Variants in KMT2C observed in about 807,000 individuals in gnomAD.
The protein encoded by KMT2C is lysine methyltransferase 2C, also known as histone-lysine N-methyltransferase 2C.
In KMT2C, 88 loss-of-function variants were observed where a neutral mutation model predicts 507.9. That is an observed-to-expected ratio of 0.17 (90% CI 0.15 to 0.21). KMT2C has a LOEUF of 0.21. Ranked by LOEUF, KMT2C falls within the 10% of genes least tolerant of loss-of-function variation. The pLI is 1.00. For missense variants in KMT2C, 4,954 were observed against 5,957.8 expected, an observed-to-expected ratio of 0.83 and a Z score of 5.55; for synonymous variants, 2,049 against 2,080.8, an observed-to-expected ratio of 0.98 and a Z score of 0.42.
At chr7:152,355,502 A>G (rs968127984) in intron 2 of KMT2C, among the ~76,000 whole-genome samples, 1 of 152,146 alleles carries the variant, frequency 6.6e-6, no homozygotes, top group Non-Finnish European at 1.5e-5. Context: ...ATACATAAGA[A>G]GATGAGCGAA....
chr7:152,303,625 CACAT>C (rs1439911846), intron 6 of KMT2C, among the ~76,000 whole-genome samples: 1 of 152,204 alleles, frequency 6.6e-6, no homozygotes, highest in African/African-American at 2.4e-5. Context: ...GAAAAAGACT[CACAT>C]ACACAAATGC....
chr7:152,163,084 G>A lies in KMT2C; in HGVS notation c.10493C>T (p.Thr3498Ile), dbSNP rs769597625. Reference protein sequence around the residue: ...IQQGSINSPSTQTFMQTNERR... With the variant: ...IQQGSINSPSIQTFMQTNERR... ...CTCATTAGTCTGCATGAAAGTTTGG[G>A]TGGAGGGTGAATTAATTGATCCTTG... The change falls in exon 43 of 59, where the codon ACC (threonine) becomes ATC (isoleucine). Residue 3498 changes from threonine to isoleucine, a missense_variant. Coordinates refer to ENST00000262189, the MANE Select transcript of KMT2C (RefSeq NM_170606.3). The A allele has an allele frequency of 6.2e-6, 10 of 1,614,130 alleles. No homozygotes were observed. Among genetic ancestry groups the A allele is most frequent in the Admixed American group, 1.7e-5 (1 of 60,012 alleles).
intron 40 of KMT2C, among the ~76,000 whole-genome samples, chr7:152,169,495 G>A (rs1241971816): frequency 6.6e-6 from 1 of 152,006 alleles, no homozygotes; most frequent in Non-Finnish European, 1.5e-5. Flanking sequence ...TTATGCTTGA[G>A]GTAAAGGATT....
chr7:152,153,545 C>CTT (rs1260491374), intron 48 of KMT2C, among the ~76,000 whole-genome samples: 2 of 152,096 alleles, frequency 1.3e-5, no homozygotes, highest in Non-Finnish European at 2.9e-5. Flanking sequence ...GCTTAATTTT[C>CTT]TTCTCTGTTA....
rs61730536 is a variant in KMT2C at position 152,187,362 on chromosome 7, C to T, written c.4908G>A (p.Thr1636=). 5.6e-3 allele frequency: 8,979 copies of T among 1,614,022 alleles called. 415 individuals carry two copies. In the African/African-American group the frequency reaches 0.1, roughly 19 times the overall value. ...NDTMSNAQRS[T]LKWEKEEALG... ...GAGCCTCCTCTTTCTCCCACTTAAG[C>T]GTGCTTCTCTGGGCATTCGACATTG... Residue 1636 remains threonine, a synonymous_variant, in exon 33 of 59, where the codon ACG becomes ACA. Transcript: ENST00000262189.
chr7:152,201,947 T>TGC (rs1208017938), intron 26 of KMT2C, among the ~76,000 whole-genome samples: 1 of 152,106 alleles, frequency 6.6e-6, no homozygotes, highest in African/African-American at 2.4e-5. Flanking sequence ...TAGGCTGAGC[T>TGC]CTAACATGAA....
chr7:152,240,384 A>C (rs1432843806), intron 14 of KMT2C, among the ~76,000 whole-genome samples: 7 of 152,218 alleles, frequency 4.6e-5, no homozygotes, highest in African/African-American at 1.4e-4. Context: ...CTTCCTCGCT[A>C]ATCTTTCTTC....
At chr7:152,259,446 G>GCGCGCGCACACACACACACA (rs1188729137) in intron 9 of KMT2C, among the ~76,000 whole-genome samples, 1 of 134,688 alleles carries the variant, frequency 7.4e-6, no homozygotes, top group African/African-American at 2.8e-5. Flanking sequence ...ACACACACGC[G>GCGCGCGCACACACACACACA]CACACACACA....
At chr7:152,291,712 C>T (rs2096430097) in intron 6 of KMT2C, among the ~76,000 whole-genome samples, 1 of 152,222 alleles carries the variant, frequency 6.6e-6, no homozygotes, top group South Asian at 2.1e-4. Context: ...ACTGGTAACA[C>T]CTATTCATCC....
intron 55 of KMT2C, among the ~76,000 whole-genome samples, chr7:152,141,573 C>T (rs1281579077): frequency 3.3e-5 from 5 of 150,210 alleles, no homozygotes; most frequent in African/African-American, 1.2e-4. Context: ...ATTAGCCGGG[C>T]ATGGTAGTAC....
intron 1 of KMT2C, 90 bp downstream of exon 1, chr7:152,435,536 G>A: frequency 1.4e-6 from 1 of 726,150 alleles, no homozygotes; most frequent in Non-Finnish European, 1.7e-6. Flanking sequence ...GGGGCGCCGG[G>A]GCGCGGAGGC....
intron 25 of KMT2C, among the ~76,000 whole-genome samples, chr7:152,204,389 G>A (rs2094235016): frequency 6.6e-6 from 1 of 152,138 alleles, no homozygotes; most frequent in African/African-American, 2.4e-5. Context: ...GAGCACAGGA[G>A]TTGCAGGCCA....
intron 37 of KMT2C, 94 bp from the exon 38 acceptor site, chr7:152,178,104 CTG>C: frequency 8.1e-7 from 1 of 1,234,048 alleles, no homozygotes; most frequent in Non-Finnish European, 1.0e-6. Flanking sequence ...TTCAATTAAA[CTG>C]TACATACAAA....
At chr7:152,317,081 A>G (rs2096728968) in intron 3 of KMT2C, among the ~76,000 whole-genome samples, 1 of 152,234 alleles carries the variant, frequency 6.6e-6, no homozygotes, top group Non-Finnish European at 1.5e-5. Flanking sequence ...TAGAAAATGG[A>G]GCAATATTTT....
At chr7:152,367,470 G>A (rs1020714013) in intron 1 of KMT2C, 6 of 794,938 alleles carry the variant, frequency 7.5e-6, no homozygotes, top group African/African-American at 1.7e-5. Context: ...TACCCACCTC[G>A]GCCTCCCAAA....
intron 41 of KMT2C, 126 bp from the exon 42 acceptor site, chr7:152,167,504 T>C: frequency 3.2e-6 from 2 of 617,156 alleles, no homozygotes; most frequent in Non-Finnish European, 2.8e-6. Context: ...GAAAACACAA[T>C]ACTAAATATT....
intron 1 of KMT2C, among the ~76,000 whole-genome samples, chr7:152,388,157 A>G (rs970730863): frequency 2.0e-5 from 3 of 152,132 alleles, no homozygotes; most frequent in Admixed American, 2.0e-4. Context: ...TATAATGAAT[A>G]TATAAATATA....
intron 1 of KMT2C, among the ~76,000 whole-genome samples, chr7:152,369,820 T>C (rs1404996010): frequency 6.6e-6 from 1 of 152,180 alleles, no homozygotes; most frequent in Non-Finnish European, 1.5e-5. Flanking sequence ...ATCTTTTTCC[T>C]TTATAAACTA....
At chr7:152,354,631 T>G (rs2097138589) in intron 2 of KMT2C, among the ~76,000 whole-genome samples, 1 of 152,176 alleles carries the variant, frequency 6.6e-6, no homozygotes, top group Non-Finnish European at 1.5e-5. Flanking sequence ...GAGACTTGAC[T>G]GAAGTAAGGG....
Sources: gnomAD v4.1 joint callset for allele counts (sites outside exome capture counted in the v4.1 genomes callset) on GRCh38, gnomAD v4.1.1 for gene constraint, MANE v1.5 for transcripts, NCBI Gene and HGNC (gene_info 2026-07-23, HGNC 2026-07-21) for gene names.